Variants in DNAH14 observed in about 807,000 individuals in gnomAD.
DNAH14 encodes axonemal beta dynein heavy chain 14.
Under a neutral mutation model 520.9 loss-of-function variants are expected in DNAH14, and 478 were observed. The ratio of observed to expected loss-of-function variants is 0.92; its 90% CI spans 0.85 to 0.99. The LOEUF is 0.99. Ranked by LOEUF, DNAH14 falls within the 50% of genes least tolerant of loss-of-function variation. The pLI is 0.00. For missense variants in DNAH14, 4,831 were observed against 5,234.5 expected (o/e 0.92, Z 2.38); for synonymous variants, 1,581 against 1,757.2 (o/e 0.90, Z 2.51).
At chr1:225,379,652 T>C (rs2095754641) in intron 79 of DNAH14, among the ~76,000 whole-genome samples, 1 of 152,076 alleles carries the variant, frequency 6.6e-6, no homozygotes, top group South Asian at 2.1e-4. Context: ...CTCAGCCTCC[T>C]GAGTAGCTCA....
At chr1:225,245,650 T>G (rs1203964652) in intron 43 of DNAH14, among the ~76,000 whole-genome samples, 1 of 152,106 alleles carries the variant, frequency 6.6e-6, no homozygotes, top group Non-Finnish European at 1.5e-5. Flanking sequence ...ATAAAATACC[T>G]AGGAATACAA....
At chr1:225,050,807 C>T (rs1369695646) in intron 16 of DNAH14, among the ~76,000 whole-genome samples, 2 of 152,172 alleles carry the variant, frequency 1.3e-5, no homozygotes, top group Non-Finnish European at 2.9e-5. Context: ...CTTTTGGCAC[C>T]AGGGACTGGT....
intron 38 of DNAH14, 43 bp downstream of exon 38, chr1:225,192,954 G>T: frequency 7.1e-7 from 1 of 1,406,500 alleles, no homozygotes; most frequent in Non-Finnish European, 9.7e-7. Flanking sequence ...AACTAATGTG[G>T]ATTATTTAAT....
chr1:225,131,688 CATT>C (rs1417026888), intron 27 of DNAH14, among the ~76,000 whole-genome samples: 1 of 152,148 alleles, frequency 6.6e-6, no homozygotes, highest in Non-Finnish European at 1.5e-5. Context: ...TGTAGAGAGC[CATT>C]ATTCTGCCTA....
chr1:225,165,708 CA>C (rs2081977309), intron 35 of DNAH14, among the ~76,000 whole-genome samples: 1 of 151,902 alleles, frequency 6.6e-6, no homozygotes. Context: ...CTCAGTCCCC[CA>C]AGTAGCTAGG....
At chr1:225,269,699 C>T (rs1265233453) in intron 49 of DNAH14, among the ~76,000 whole-genome samples, 2 of 152,162 alleles carry the variant, frequency 1.3e-5, no homozygotes, top group South Asian at 2.1e-4. Context: ...CAAAAGAAGA[C>T]ATTTATGCAG....
intron 73 of DNAH14, chr1:225,357,959 A>G (rs969903860): frequency 2.8e-5 from 18 of 638,436 alleles, no homozygotes; most frequent in Middle Eastern, 3.7e-4. Flanking sequence ...ACCTCTGTTT[A>G]CTATGCATTT....
chr1:224,987,196 T>C lies in DNAH14; in HGVS notation c.830+13043T>C, dbSNP rs534450433. Among the ~76,000 whole-genome samples the C allele has an allele frequency of 2.0e-5, 3 of 151,988 alleles. No homozygotes were observed. In the South Asian group the frequency reaches 6.2e-4, roughly 32 times the overall value. On this transcript the variant is annotated intron_variant, in intron 8 of 85. Coordinates refer to ENST00000682510, the MANE Select transcript of DNAH14 (RefSeq NM_001367479.1). Reference sequence around the variant, plus strand: ...GTTGGTAAACTAGAGTCCCAGGAGATGTGATGGTATAGTATAGTTCCCCTT... The same window carrying C: ...GTTGGTAAACTAGAGTCCCAGGAGACGTGATGGTATAGTATAGTTCCCCTT...
chr1:224,945,670 T>G lies in DNAH14; in HGVS notation c.-33-7000T>G, dbSNP rs959381216. On this transcript the variant is annotated intron_variant, in intron 1 of 85. Coordinates refer to ENST00000682510, the MANE Select transcript of DNAH14 (RefSeq NM_001367479.1). ...TGGTGACGTACAGATGGGGTTTTGG[T>G]GTGGATGTCCTTTCTGTTTGTTAGT... 2.0e-5 allele frequency among the ~76,000 whole-genome samples: 3 copies of G among 152,404 alleles called. No homozygotes were observed. The East Asian group carries it at 5.8e-4, about 29-fold the overall frequency.
chr1:225,373,592 G>A (rs1371709649), intron 77 of DNAH14, among the ~76,000 whole-genome samples: 1 of 152,112 alleles, frequency 6.6e-6, no homozygotes, highest in Admixed American at 6.6e-5. Flanking sequence ...GAGAAGAAAA[G>A]AAGTCAACCT....
intron 17 of DNAH14, among the ~76,000 whole-genome samples, chr1:225,063,060 A>G (rs2070384027): frequency 6.6e-6 from 1 of 152,214 alleles, no homozygotes; most frequent in Non-Finnish European, 1.5e-5. Flanking sequence ...ACACTAAAAC[A>G]GATTATATAT....
At chr1:225,155,952 A>C (rs74450733) in intron 34 of DNAH14, among the ~76,000 whole-genome samples, 9 of 152,108 alleles carry the variant, frequency 5.9e-5, no homozygotes, top group African/African-American at 2.2e-4. Context: ...AATATTAGAC[A>C]ATTTTGCTTT....
intron 26 of DNAH14, 49 bp downstream of exon 26, chr1:225,119,343 T>G: frequency 3.1e-6 from 4 of 1,282,244 alleles, no homozygotes; most frequent in Non-Finnish European, 4.2e-6. Context: ...TATATATACT[T>G]GCACATATAT....
intron 8 of DNAH14, 47 bp downstream of exon 8, chr1:224,974,200 T>C (rs1465959050): frequency 1.6e-6 from 2 of 1,233,022 alleles, no homozygotes; most frequent in South Asian, 1.7e-5. Context: ...GGAAGCTGTA[T>C]GTTTTACATG....
chr1:225,193,738 T>C (rs535215255), intron 38 of DNAH14, among the ~76,000 whole-genome samples: 1 of 152,180 alleles, frequency 6.6e-6, no homozygotes, highest in African/African-American at 2.4e-5. Flanking sequence ...GACATCCAGA[T>C]AAGAAGAGAG....
chr1:225,290,661 A>G lies in DNAH14; in HGVS notation c.8469+579A>G, dbSNP rs868123184. Among the ~76,000 whole-genome samples the G allele has an allele frequency of 8.4e-3, 813 of 97,060 alleles. 30 individuals carry two copies. Among genetic ancestry groups the G allele is most frequent in the African/African-American group, 0.037 (747 of 19,932 alleles). The allele number at this position is 97,060 out of a possible 152,430, so 63.7% of individuals were successfully genotyped here. On this transcript the variant is annotated intron_variant, in intron 55 of 85. Coordinates refer to ENST00000682510, the MANE Select transcript of DNAH14 (RefSeq NM_001367479.1). ...TGTGTGTGTGTGTATATATATATAT[A>G]TATATATATATATATATATATATAT...
At chr1:225,039,227 C>T (rs529017082) in intron 12 of DNAH14, among the ~76,000 whole-genome samples, 44 of 152,178 alleles carry the variant, frequency 2.9e-4, no homozygotes, top group African/African-American at 1.0e-3. Context: ...TGCTATTTTA[C>T]ATAGGAATGG....
At chr1:225,018,123 C>T (rs1288647798) in intron 10 of DNAH14, among the ~76,000 whole-genome samples, 7 of 152,070 alleles carry the variant, frequency 4.6e-5, no homozygotes, top group South Asian at 2.1e-4. Flanking sequence ...GGAAGCTCAT[C>T]GAGGTACAAG....
intron 60 of DNAH14, among the ~76,000 whole-genome samples, chr1:225,311,827 A>G (rs1027963758): frequency 6.6e-6 from 1 of 152,122 alleles, no homozygotes; most frequent in Non-Finnish European, 1.5e-5. Context: ...TACCAGTAGC[A>G]TGCTGTTTTG....
Sources: allele counts gnomAD v4.1 joint callset (sites outside exome capture counted in the v4.1 genomes callset), GRCh38; gene constraint gnomAD v4.1.1; transcripts MANE v1.5; gene names NCBI Gene and HGNC (gene_info 2026-07-23, HGNC 2026-07-21).